CD276: variants seen among roughly 807,000 people sequenced by gnomAD.
CD276 encodes CD276 antigen.
In CD276, 34 loss-of-function variants were observed where a neutral mutation model predicts 50.0. The observed-to-expected ratio is 0.68, with a 90% confidence interval of 0.52 to 0.91. The LOEUF is 0.91. Ranked by LOEUF, CD276 falls within the 40% of genes least tolerant of loss-of-function variation. The pLI is 0.00. For synonymous variants in CD276, 275 were observed against 313.0 expected (o/e 0.88, Z 1.28); for missense variants, 634 against 717.5 (o/e 0.88, Z 1.33).
intron 6 of CD276, among the ~76,000 whole-genome samples, chr15:73,705,570 T>C (rs2141574592): frequency 6.6e-6 from 1 of 152,222 alleles, no homozygotes. Flanking sequence ...TCCTGTGCTC[T>C]CCAGGAGAGA....
Position 73,713,527 on chromosome 15 carries a change from T to C in CD276, c.*571T>C. 3.4e-6 allele frequency: 1 copy of C among 296,324 alleles called. No individual in the cohort carries two copies. Among genetic ancestry groups the C allele is most frequent in the Non-Finnish European group, 6.5e-6 (1 of 154,336 alleles). The allele number at this position is 296,324 out of a possible 1,614,324, so 18.4% of individuals were successfully genotyped here. On this transcript the variant is annotated 3_prime_UTR_variant, in exon 10 of 10. Coordinates refer to ENST00000318443, the MANE Select transcript of CD276 (RefSeq NM_001024736.2). ...CCTGGAGTCTAGAAGCTGTTTCCTT[T>C]CCCCTCCTTCCTCCTCTTGCTCTAG...
intron 6 of CD276, among the ~76,000 whole-genome samples, chr15:73,706,599 TTC>T (rs1237194977): frequency 6.6e-6 from 1 of 152,208 alleles, no homozygotes; most frequent in African/African-American, 2.4e-5. Context: ...AGCCTCCTGT[TTC>T]TGTTAGAGCA....
Position 73,713,738 on chromosome 15 carries a change from G to A in CD276, c.*782G>A. 2.3e-6 allele frequency: 1 copy of A among 438,064 alleles called. No homozygotes were observed. Among genetic ancestry groups the A allele is most frequent in the South Asian group, 1.6e-5 (1 of 61,626 alleles). 27.1% of individuals were successfully genotyped at this position (438,064 alleles called of 1,614,324 possible). On this transcript the variant is annotated 3_prime_UTR_variant, in exon 10 of 10. Transcript: ENST00000318443. Reference sequence around the variant, plus strand: ...ATCCTCCCCACGGAAGCATGTGCTGGTCACACTGGTTCTCCAGGGGTCTGT... The same window carrying A: ...ATCCTCCCCACGGAAGCATGTGCTGATCACACTGGTTCTCCAGGGGTCTGT...
chr15:73,709,614 G>A (rs1419505595), intron 7 of CD276, 34 bp from the exon 8 acceptor site: 3 of 1,611,580 alleles, frequency 1.9e-6, no homozygotes, highest in African/African-American at 1.3e-5. Flanking sequence ...GCTTGCAAAA[G>A]ATTTTTGTTT....
In CD276 at chr15:73,697,346, T is replaced by C. The variant is rs940772471; in HGVS notation, c.-54-2240T>C. ...TGAGGGACTCCCTTGGCCCAGCTGC[T>C]GGGGGTGTGTGTGTGTAGGAGTGGA... On this transcript the variant is annotated intron_variant, in intron 1 of 9. Transcript: ENST00000318443. Among the ~76,000 whole-genome samples, 3 of 117,228 alleles carry C rather than the reference T, an allele frequency of 2.6e-5. No homozygotes were observed. In the Admixed American group the frequency reaches 2.9e-4, roughly 11 times the overall value. 76.9% of individuals were successfully genotyped at this position (117,228 alleles called of 152,430 possible).
rs770961285 is a variant in CD276, at chr15:73,702,335, CCT to C, written c.161_162del (p.Pro54ArgfsTer27). 2.7e-5 allele frequency: 44 copies of C among 1,613,460 alleles called. 1 individual carries two copies. Among genetic ancestry groups the C allele is most frequent in the South Asian group, 5.5e-5 (5 of 91,084 alleles). On this transcript the variant is annotated frameshift_variant, in exon 3 of 10. Transcript: ENST00000318443. LOFTEE classifies it high-confidence loss of function. The stretch of plus-strand genomic sequence containing the variant: ...TGCCACCCTGTGCTGCTCCTTCTCC[CCT>C]GAGCCTGGCTTCAGCCTGGCACAGC... ...TDATLCCSFSPEPGFSLAQLN... is the reference protein window; with the variant it reads ...TDATLCCSFSXEPGFSLAQLN...
Position 73,704,408 on chromosome 15 carries a change from C to T in CD276, c.1305C>T (p.Thr435=). The T allele has an allele frequency of 6.2e-7, 1 of 1,614,040 alleles. No homozygotes were observed. Among genetic ancestry groups the T allele is most frequent in the Non-Finnish European group, 8.5e-7 (1 of 1,180,032 alleles). The change falls in exon 6 of 10, where the codon ACC becomes ACT. Residue 435 remains threonine, a synonymous_variant. Transcript: ENST00000318443. This position sits in a 1 kb window ranked among gnomAD's most constrained non-coding sequence, Gnocchi z 4.1. ...GGGTGGTGCTGGGTGCGAATGGCAC[C>T]TACAGCTGCCTGGTGCGCAACCCCG... is the stretch of plus-strand genomic sequence containing the variant. ...VLRVVLGANG[T]YSCLVRNPVL... is the part of the protein sequence containing the mutation.
chr15:73,700,835 T>G (rs1414549401), intron 2 of CD276, among the ~76,000 whole-genome samples: 1 of 89,040 alleles, frequency 1.1e-5, no homozygotes, highest in Non-Finnish European at 2.3e-5. Flanking sequence ...AAGCACACAA[T>G]CTAACCATTA....
intron 1 of CD276, among the ~76,000 whole-genome samples, chr15:73,699,080 G>A (rs925757116): frequency 3.9e-5 from 6 of 152,194 alleles, no homozygotes; most frequent in Admixed American, 2.6e-4. Flanking sequence ...AGCGGGTGGA[G>A]GTGCTGTCAG....
rs2291012 is a variant in CD276, at chr15:73,708,388, G to A, written c.1419G>A (p.Leu473=). The change falls in exon 7 of 10, where the codon CTG becomes CTA. Residue 473 remains leucine (L), a synonymous_variant. Coordinates refer to ENST00000318443, the MANE Select transcript of CD276 (RefSeq NM_001024736.2). The part of the protein sequence containing the change: ...PPEALWVTVG[L]SVCLIALLVA... ...AGGCCCTGTGGGTGACCGTGGGGCT[G>A]TCTGTCTGTCTCATTGCACTGCTGG... The A allele has an allele frequency of 6.2e-7, 1 of 1,613,656 alleles. No individual in the cohort carries two copies.
rs751049509 is a variant in CD276 at position 73,703,967 on chromosome 15, G to C, written c.1042G>C (p.Gly348Arg). 1.9e-6 allele frequency: 3 copies of C among 1,611,352 alleles called. No individual in the cohort carries two copies. Among genetic ancestry groups the C allele is most frequent in the Non-Finnish European group, 2.5e-6 (3 of 1,179,654 alleles). ...CTGCTTCGTGAGCATCCGGGATTTCGGCAGCGCTGCCGTCAGCCTGCAGGT... is the reference window on the plus strand; with the variant it reads ...CTGCTTCGTGAGCATCCGGGATTTCCGCAGCGCTGCCGTCAGCCTGCAGGT... ...FTCFVSIRDF[G>R]SAAVSLQVAA... Residue 348 changes from glycine (G) to arginine (R), a missense_variant, in exon 5 of 10, where the codon GGC becomes CGC. Physicochemically the swap from Gly to Arg is moderately radical, Grantham distance 125. Coordinates refer to ENST00000318443, the MANE Select transcript of CD276 (RefSeq NM_001024736.2).
Position 73,703,085 on chromosome 15 carries a change from A to T in CD276, c.732A>T (p.Thr244=), listed in dbSNP as rs1428651341. The change falls in exon 4 of 10, where the codon ACA becomes ACT. Residue 244 remains threonine (T), a splice_region_variant and synonymous_variant. Transcript: ENST00000318443. ...SVTITPQRSP[T]GAVEVQVPED... ...CCATCACACCCCAGAGAAGCCCCACAGGTTGCTTTGCTTAAATGTCCCCTT... is the reference window on the plus strand; with the variant it reads ...CCATCACACCCCAGAGAAGCCCCACTGGTTGCTTTGCTTAAATGTCCCCTT... 1 of 1,589,234 alleles carries T rather than the reference A, an allele frequency of 6.3e-7. No homozygotes were observed. The highest frequency in any genetic ancestry group is 8.6e-7 in the Non-Finnish European group (1 of 1,166,014).
At chr15:73,692,120 T>C (rs1900008414) in intron 1 of CD276, among the ~76,000 whole-genome samples, 1 of 152,168 alleles carries the variant, frequency 6.6e-6, no homozygotes. Context: ...TCCCAGAATA[T>C]GCTGTGGACA....
At chr15:73,693,878 CAG>C (rs1413410160) in intron 1 of CD276, among the ~76,000 whole-genome samples, 1 of 119,466 alleles carries the variant, frequency 8.4e-6, no homozygotes, top group African/African-American at 3.4e-5. Flanking sequence ...GGAGGGCAAA[CAG>C]AGATTGTGTG....
rs369512553 is a variant in CD276 at position 73,704,015 on chromosome 15, G to A, written c.1072+18G>A. 21 of 1,600,616 alleles carry A rather than the reference G, an allele frequency of 1.3e-5. No homozygotes were observed. Among genetic ancestry groups the A allele is most frequent in the Admixed American group, 6.7e-5 (4 of 59,574 alleles). Reference sequence around the variant, plus strand: ...GGTGGCCGGTGAGCACCAGGAGGGCGACGCCTTCCCCTTGGTTCACCCTCC... The same window carrying A: ...GGTGGCCGGTGAGCACCAGGAGGGCAACGCCTTCCCCTTGGTTCACCCTCC... On this transcript the variant is annotated intron_variant, in intron 5 of 9. Transcript: ENST00000318443. The surrounding 1 kb of genome is among the most constrained non-coding windows in gnomAD (Gnocchi z 4.1).
At chr15:73,711,071 G>T in intron 8 of CD276, 64 bp from the exon 9 acceptor site, 1 of 1,572,390 alleles carries the variant, frequency 6.4e-7, no homozygotes, top group South Asian at 1.1e-5. Flanking sequence ...CCCTCTGCCT[G>T]ACTCCCTACC....
intron 1 of CD276, among the ~76,000 whole-genome samples, chr15:73,689,250 A>G (rs552765797): frequency 1.3e-5 from 2 of 150,460 alleles, no homozygotes; most frequent in African/African-American, 2.5e-5. Flanking sequence ...ACATGCATGT[A>G]TAGGTCAGTT....
At position 73,710,617 on chromosome 15, in the gene CD276, T is replaced by C. The variant is rs765179654; in HGVS notation, c.1547-518T>C. Among the ~76,000 whole-genome samples, 7 of 152,332 alleles carry C rather than the reference T, an allele frequency of 4.6e-5. No homozygotes were observed. The East Asian group carries it at 1.2e-3, about 25-fold the overall frequency. On this transcript the variant is annotated intron_variant, in intron 8 of 9. Transcript: ENST00000318443. Reference sequence around the variant, plus strand: ...TGGGGACTGCTATAAATTATGCCAATTAATTCTTTGCCTGTTGGTGCCCAG... The same window carrying C: ...TGGGGACTGCTATAAATTATGCCAACTAATTCTTTGCCTGTTGGTGCCCAG...
At position 73,704,319 on chromosome 15, in the gene CD276, G is replaced by C. The variant is rs926489834; in HGVS notation, c.1216G>C (p.Gly406Arg). The C allele has an allele frequency of 6.2e-7, 1 of 1,613,926 alleles. No individual in the cohort carries two copies. Among genetic ancestry groups the C allele is most frequent in the Non-Finnish European group, 8.5e-7 (1 of 1,180,022 alleles). ...WQDGQGVPLTGNVTTSQMANE... is the reference protein window; with the variant it reads ...WQDGQGVPLTRNVTTSQMANE... The stretch of plus-strand genomic sequence containing the variant: ...GGATGGGCAGGGTGTGCCCCTGACT[G>C]GCAACGTGACCACGTCGCAGATGGC... Residue 406 changes from glycine to arginine, a missense_variant, in exon 6 of 10, where the codon GGC (glycine) becomes CGC (arginine). Transcript: ENST00000318443. The surrounding 1 kb of genome is among the most constrained non-coding windows in gnomAD (Gnocchi z 4.1).
Sources: allele counts gnomAD v4.1 joint callset (sites outside exome capture counted in the v4.1 genomes callset), GRCh38; gene constraint gnomAD v4.1.1; non-coding constraint Gnocchi (gnomAD v3.1); transcripts MANE v1.5; gene names NCBI Gene and HGNC (gene_info 2026-07-23, HGNC 2026-07-21).